GDA: variants seen among roughly 807,000 people sequenced by gnomAD.
GDA encodes the protein guanine deaminase.
Under a neutral mutation model 59.6 loss-of-function variants are expected in GDA, and 18 were observed. The observed-to-expected ratio is 0.30, with a 90% CI of 0.21 to 0.45. The LOEUF is 0.45. Among genes scored for constraint, GDA ranks in the 20% least tolerant of loss-of-function variants. The pLI, the probability that GDA is intolerant of heterozygous loss-of-function variation, is 1.00. For synonymous variants in GDA, 201 were observed against 201.1 expected (o/e 1.00, Z 0.00); for missense variants, 427 against 552.3 (o/e 0.77, Z 2.27).
intron 10 of GDA, among the ~76,000 whole-genome samples, chr9:72,237,644 GACT>G (rs1839166917): frequency 6.6e-6 from 1 of 152,134 alleles, no homozygotes; most frequent in African/African-American, 2.4e-5. Flanking sequence ...GTTTTCAACT[GACT>G]ACATTCTCCC....
rs371535893 is a variant in GDA at position 72,150,186 on chromosome 9, C to T, written c.123+504C>T. On this transcript the variant is annotated intron_variant, in intron 1 of 13. Coordinates refer to ENST00000358399, the MANE Select transcript of GDA (RefSeq NM_004293.5). ...TAGAATAAATAGAACTGATTACATT[C>T]ACCCTATCATTCAACAGAGATAATA... Among the ~76,000 whole-genome samples the T allele has an allele frequency of 5.9e-5, 9 of 152,220 alleles. No individual in the cohort carries two copies. The East Asian group carries it at 1.7e-3, about 29-fold the overall frequency.
At chr9:72,190,195 T>C (rs1832360223) in intron 1 of GDA, among the ~76,000 whole-genome samples, 1 of 152,212 alleles carries the variant, frequency 6.6e-6, no homozygotes, top group African/African-American at 2.4e-5. Context: ...TGGCATGATC[T>C]TGGCTCACTG....
At chr9:72,135,557 A>C (rs73647197) in intron 1 of GDA, among the ~76,000 whole-genome samples, 2 of 152,116 alleles carry the variant, frequency 1.3e-5, no homozygotes, top group Admixed American at 1.3e-4. Flanking sequence ...GGCATCTATT[A>C]CGAGGAAGGT....
chr9:72,217,312 A>G (rs1836255728), intron 5 of GDA, among the ~76,000 whole-genome samples: 1 of 152,304 alleles, frequency 6.6e-6, no homozygotes. Context: ...CAGAGACTCC[A>G]GCTCTCTGTG....
At chr9:72,149,960 A>T (rs749219045) in intron 1 of GDA, among the ~76,000 whole-genome samples, 27 of 152,100 alleles carry the variant, frequency 1.8e-4, no homozygotes, top group Non-Finnish European at 2.8e-4. Flanking sequence ...GGGAGCAAGG[A>T]TGTCACCCCC....
Position 72,149,584 on chromosome 9 carries a change from C to A in GDA, c.25C>A (p.Leu9Met), listed in dbSNP as rs1199979505. 1.9e-6 allele frequency: 3 copies of A among 1,611,624 alleles called. No homozygotes were observed. Among genetic ancestry groups the A allele is most frequent in the Non-Finnish European group, 2.5e-6 (3 of 1,179,164 alleles). The change falls in exon 1 of 14, where the codon CTG becomes ATG. Residue 9 changes from leucine to methionine, a missense_variant. By Grantham distance (15) the Leu-to-Met change is conservative. Coordinates refer to ENST00000358399, the MANE Select transcript of GDA (RefSeq NM_004293.5). Reference sequence around the variant, plus strand: ...CATGTGTGCCGCTCAGATGCCGCCCCTGGCGCACATCTTCCGAGGGACGTT... The same window carrying A: ...CATGTGTGCCGCTCAGATGCCGCCCATGGCGCACATCTTCCGAGGGACGTT... MCAAQMPPLAHIFRGTFVH... is the reference protein window; with the variant it reads MCAAQMPPMAHIFRGTFVH...
chr9:72,125,226 T>C (rs1197997818), intron 1 of GDA, among the ~76,000 whole-genome samples: 1 of 152,236 alleles, frequency 6.6e-6, no homozygotes, highest in Non-Finnish European at 1.5e-5. Flanking sequence ...TTCTGGTGGC[T>C]TCTGTTCCGT....
chr9:72,207,973 G>A (rs948685991), intron 3 of GDA, among the ~76,000 whole-genome samples: 25 of 152,002 alleles, frequency 1.6e-4, no homozygotes, highest in African/African-American at 6.0e-4. Context: ...ATGGTGGCAT[G>A]CATCTGTAGT....
chr9:72,195,946 C>T (rs146437290), intron 2 of GDA, among the ~76,000 whole-genome samples: 7 of 152,082 alleles, frequency 4.6e-5, no homozygotes, highest in East Asian at 1.9e-4. Flanking sequence ...CAGATACCTG[C>T]GCATGACCAT....
intron 2 of GDA, 119 bp downstream of exon 2, chr9:72,195,707 G>T (rs1833090751): frequency 2.6e-6 from 1 of 383,240 alleles, no homozygotes; most frequent in Non-Finnish European, 4.8e-6. Flanking sequence ...TAATTATTTT[G>T]TATTAATTAT....
At chr9:72,223,914 A>T (rs1311743345) in intron 7 of GDA, among the ~76,000 whole-genome samples, 1 of 152,170 alleles carries the variant, frequency 6.6e-6, no homozygotes, top group Non-Finnish European at 1.5e-5. Flanking sequence ...GAGACAACAC[A>T]TTGATTCTTT....
chr9:72,259,590 T>C (rs1404658733), downstream of GDA, among the ~76,000 whole-genome samples: 1 of 152,152 alleles, frequency 6.6e-6, no homozygotes, highest in Non-Finnish European at 1.5e-5. Flanking sequence ...CTGGAGCCGC[T>C]GTGCAGGGCT....
At chr9:72,189,593 C>A (rs1832287353) in intron 1 of GDA, among the ~76,000 whole-genome samples, 1 of 152,146 alleles carries the variant, frequency 6.6e-6, no homozygotes, top group African/African-American at 2.4e-5. Flanking sequence ...GTAATTCTAG[C>A]ACTTTGGGAA....
At chr9:72,172,227 AAT>A (rs34271428) in intron 1 of GDA, among the ~76,000 whole-genome samples, 110,789 of 148,212 alleles carry the variant, frequency 0.75, 41,397 homozygotes, top group Middle Eastern at 0.8. Flanking sequence ...CATACAATCT[AAT>A]ATATATATAT....
chr9:72,230,689 C>T (rs988724081), intron 9 of GDA, among the ~76,000 whole-genome samples: 1 of 152,028 alleles, frequency 6.6e-6, no homozygotes, highest in Non-Finnish European at 1.5e-5. Flanking sequence ...CTTAAAGTCA[C>T]TACTCATTCA....
At chr9:72,160,604 T>C (rs1002392090) in intron 1 of GDA, among the ~76,000 whole-genome samples, 3 of 152,246 alleles carry the variant, frequency 2.0e-5, no homozygotes, top group African/African-American at 4.8e-5. Context: ...TGTGTAGATA[T>C]ACCACATTTT....
intron 1 of GDA, among the ~76,000 whole-genome samples, chr9:72,174,949 C>T (rs929837240): frequency 1.3e-5 from 2 of 151,710 alleles, no homozygotes; most frequent in Admixed American, 6.6e-5. Flanking sequence ...GTGTCAAGGC[C>T]GTATGGAGGC....
intron 1 of GDA, among the ~76,000 whole-genome samples, chr9:72,123,938 A>C (rs1825763385): frequency 6.6e-6 from 1 of 152,224 alleles, no homozygotes. Context: ...AACTCTGATT[A>C]AGTAGAAGAG....
intron 3 of GDA, among the ~76,000 whole-genome samples, chr9:72,203,433 T>G (rs1407650371): frequency 6.6e-6 from 1 of 152,206 alleles, no homozygotes; most frequent in Non-Finnish European, 1.5e-5. Flanking sequence ...AGTACAGTCA[T>G]TGAACAGTGG....
Sources: allele counts gnomAD v4.1 joint callset (sites outside exome capture counted in the v4.1 genomes callset), GRCh38; gene constraint gnomAD v4.1.1; transcripts MANE v1.5; gene names NCBI Gene and HGNC (gene_info 2026-07-23, HGNC 2026-07-21).